CARMIL1: variants seen among roughly 807,000 people sequenced by gnomAD.
CARMIL1 encodes capping protein regulator and myosin 1 linker 1, also known as F-actin-uncapping protein LRRC16A.
Under a neutral mutation model 177.1 loss-of-function variants are expected in CARMIL1, and 90 were observed. The observed-to-expected ratio is 0.51, with a 90% CI of 0.43 to 0.61. The LOEUF is 0.61. Ranked by LOEUF, CARMIL1 falls within the 20% of genes least tolerant of loss-of-function variation. The probability of loss-of-function intolerance (pLI) is 0.00; values close to 1 mark genes in which losing one functional copy is unlikely to be tolerated. For synonymous variants in CARMIL1, 577 were observed against 606.2 expected (o/e 0.95, Z 0.71); for missense variants, 1,380 against 1,667.0 (o/e 0.83, Z 3.00).
At chr6:25,565,459 G>A (rs188601650) in intron 29 of CARMIL1, among the ~76,000 whole-genome samples, 1 of 152,278 alleles carries the variant, frequency 6.6e-6, no homozygotes, top group Admixed American at 6.5e-5. Flanking sequence ...CCACAGTACA[G>A]GTACGCTCAC....
intron 2 of CARMIL1, among the ~76,000 whole-genome samples, chr6:25,338,138 T>A (rs1358033430): frequency 6.6e-6 from 1 of 151,874 alleles, no homozygotes; most frequent in Non-Finnish European, 1.5e-5. Context: ...ATGCCTATAA[T>A]CCCAGCTACT....
At chr6:25,434,508 G>GC (rs1346193977) in intron 4 of CARMIL1, among the ~76,000 whole-genome samples, 2 of 147,268 alleles carry the variant, frequency 1.4e-5, no homozygotes, top group Non-Finnish European at 3.0e-5. Context: ...TTCTTAGAAA[G>GC]CTCAAAACCA....
intron 26 of CARMIL1, among the ~76,000 whole-genome samples, chr6:25,543,682 G>A (rs1809133186): frequency 6.6e-6 from 1 of 152,110 alleles, no homozygotes. Context: ...ATGATATGAG[G>A]CCTGAGGGGT....
intron 2 of CARMIL1, among the ~76,000 whole-genome samples, chr6:25,368,614 C>T (rs750591254): frequency 4.6e-5 from 7 of 152,186 alleles, no homozygotes; most frequent in Non-Finnish European, 7.3e-5. Flanking sequence ...TAACCAATAA[C>T]ATAAGACCCA....
chr6:25,352,494 A>G (rs1020119647), intron 2 of CARMIL1, among the ~76,000 whole-genome samples: 18 of 152,222 alleles, frequency 1.2e-4, no homozygotes, highest in African/African-American at 4.1e-4. Flanking sequence ...GATAGTTTTG[A>G]GTGGACTTTA....
At chr6:25,596,916 ACTTT>A (rs1249447245) in intron 32 of CARMIL1, among the ~76,000 whole-genome samples, 1 of 151,322 alleles carries the variant, frequency 6.6e-6, no homozygotes, top group African/African-American at 2.4e-5. Context: ...TCCTTGCCCC[ACTTT>A]CTTTATTTAA....
chr6:25,284,295 G>A (rs1181961972), intron 1 of CARMIL1, among the ~76,000 whole-genome samples: 1 of 152,174 alleles, frequency 6.6e-6, no homozygotes, highest in Admixed American at 6.5e-5. Flanking sequence ...CCTTGCATGG[G>A]CTGGTATTAT....
chr6:25,363,120 G>A (rs912251881), intron 2 of CARMIL1, among the ~76,000 whole-genome samples: 1 of 151,806 alleles, frequency 6.6e-6, no homozygotes, highest in African/African-American at 2.4e-5. Context: ...CCTGACCAAT[G>A]TAGAATGACT....
At chr6:25,607,453 C>T (rs1014365482) in intron 35 of CARMIL1, among the ~76,000 whole-genome samples, 8 of 152,146 alleles carry the variant, frequency 5.3e-5, no homozygotes, top group Non-Finnish European at 8.8e-5. Flanking sequence ...ATATCCTCGT[C>T]ACTGCTCCAT....
In CARMIL1 at chr6:25,515,681, C is replaced by T; in HGVS notation, c.1639C>T (p.Gln547Ter). Reference sequence around the variant, plus strand: ...TGTGTCATTTGCTCCGCAGCCTCTGCAGTCCTTGTCCCTGGCTGACTCGAA... The same window carrying T: ...TGTGTCATTTGCTCCGCAGCCTCTGTAGTCCTTGTCCCTGGCTGACTCGAA... The part of the protein sequence containing the change: ...QMIQDEESPL[Q>*]SLSLADSKLK... Residue 547 changes from glutamine (Q) to a stop codon, truncating the protein, a stop_gained, in exon 21 of 37, where the codon CAG (glutamine) becomes TAG (stop). Transcript: ENST00000329474. LOFTEE classifies it high-confidence loss of function. This position sits in a 1 kb window ranked among gnomAD's most constrained non-coding sequence, Gnocchi z 5.0. 2 of 1,601,610 alleles carry T rather than the reference C, an allele frequency of 1.2e-6. No homozygotes were observed. Among genetic ancestry groups the T allele is most frequent in the Non-Finnish European group, 1.7e-6 (2 of 1,174,228 alleles).
intron 2 of CARMIL1, among the ~76,000 whole-genome samples, chr6:25,384,646 C>G (rs1791970246): frequency 6.6e-6 from 1 of 152,330 alleles, no homozygotes; most frequent in Admixed American, 6.5e-5. Context: ...GATTTGCTTT[C>G]AGAATGCGAC....
intron 2 of CARMIL1, among the ~76,000 whole-genome samples, chr6:25,403,893 A>C (rs1163465469): frequency 6.6e-6 from 1 of 152,240 alleles, no homozygotes; most frequent in Non-Finnish European, 1.5e-5. Flanking sequence ...CTTTGAATGA[A>C]ATATAAGCTG....
intron 12 of CARMIL1, among the ~76,000 whole-genome samples, chr6:25,485,994 A>G (rs963506807): frequency 1.9e-4 from 28 of 150,814 alleles, no homozygotes; most frequent in African/African-American, 5.6e-4. Flanking sequence ...CCCTTTCTTT[A>G]TCTCATATGT....
intron 2 of CARMIL1, among the ~76,000 whole-genome samples, chr6:25,346,139 G>T (rs1019226418): frequency 6.9e-6 from 1 of 144,742 alleles, no homozygotes; most frequent in East Asian, 2.0e-4. Flanking sequence ...TGCAGATTAC[G>T]TCACTCTTCT....
At position 25,510,616 on chromosome 6, in the gene CARMIL1, T is replaced by A. The variant is rs1310198757; in HGVS notation, c.1577+10T>A. ...ATAATATGAAATCCAAGTAAGAGTT[T>A]TGAATTTTTTTATATGACAATGATG... is the stretch of plus-strand genomic sequence containing the variant. On this transcript the variant is annotated intron_variant, in intron 19 of 36. Transcript: ENST00000329474. 6.5e-7 allele frequency: 1 copy of A among 1,533,132 alleles called. No individual in the cohort carries two copies. The highest frequency in any genetic ancestry group is 2.0e-5 in the Admixed American group (1 of 50,254). 95.0% of individuals were successfully genotyped at this position (1,533,132 alleles called of 1,614,324 possible).
intron 29 of CARMIL1, among the ~76,000 whole-genome samples, chr6:25,564,931 A>G (rs947748467): frequency 2.0e-5 from 3 of 152,188 alleles, no homozygotes. Context: ...TGTCCAGCCC[A>G]GCCTGGGGGA....
At chr6:25,347,873 A>G (rs1787691237) in intron 2 of CARMIL1, among the ~76,000 whole-genome samples, 1 of 152,190 alleles carries the variant, frequency 6.6e-6, no homozygotes, top group African/African-American at 2.4e-5. Context: ...TTTGTCTTTT[A>G]GTCTTACAAT....
intron 8 of CARMIL1, among the ~76,000 whole-genome samples, chr6:25,456,730 G>A (rs114687124): frequency 0.013 from 2,019 of 152,286 alleles, 43 homozygotes; most frequent in African/African-American, 0.044. Context: ...GATTTCTCGT[G>A]TTCCTGACAG....
At chr6:25,499,615 A>G (rs1804107585) in intron 16 of CARMIL1, among the ~76,000 whole-genome samples, 1 of 152,196 alleles carries the variant, frequency 6.6e-6, no homozygotes, top group African/African-American at 2.4e-5. Context: ...CCTGGACTCC[A>G]ATTCAAGACA....
Sources: allele counts gnomAD v4.1 joint callset (sites outside exome capture counted in the v4.1 genomes callset), GRCh38; gene constraint gnomAD v4.1.1; non-coding constraint Gnocchi (gnomAD v3.1); transcripts MANE v1.5; gene names NCBI Gene and HGNC (gene_info 2026-07-23, HGNC 2026-07-21).